KCNA2: variants seen among roughly 807,000 people sequenced by gnomAD.
The protein encoded by KCNA2 is potassium voltage-gated channel subfamily A member 2.
A neutral mutation model predicts 33.4 loss-of-function variants in KCNA2; 11 were observed. The observed-to-expected ratio is 0.33, with a 90% CI of 0.21 to 0.55. The LOEUF (loss-of-function observed/expected upper bound fraction) is 0.55, where lower values mean the gene tolerates loss of function less well. Ranked by LOEUF, KCNA2 falls within the 20% of genes least tolerant of loss-of-function variation. The pLI, the probability that KCNA2 is intolerant of heterozygous loss-of-function variation, is 0.93. For synonymous variants in KCNA2, 222 were observed against 231.3 expected (o/e 0.96, Z 0.37); for missense variants, 291 against 621.6 (o/e 0.47, Z 5.66).
At chr1:110,625,890 C>T (rs1437100341) in intron 1 of KCNA2, among the ~76,000 whole-genome samples, 1 of 152,184 alleles carries the variant, frequency 6.6e-6, no homozygotes, top group African/African-American at 2.4e-5. Context: ...TAAGGCTACA[C>T]TGAGACATCA....
chr1:110,621,632 T>C (rs1650262279), intron 1 of KCNA2, among the ~76,000 whole-genome samples: 1 of 151,986 alleles, frequency 6.6e-6, no homozygotes. Context: ...AAATAACCAA[T>C]ATCAGAAATG....
chr1:110,599,349 C>T lies in KCNA2; in HGVS notation c.*3934G>A. 2.0e-6 allele frequency: 2 copies of T among 985,140 alleles called. No homozygotes were observed. Among genetic ancestry groups the T allele is most frequent in the Non-Finnish European group, 1.2e-6 (1 of 829,700 alleles). The allele number at this position is 985,140 out of a possible 1,614,324, so 61.0% of individuals were successfully genotyped here. On this transcript the variant is annotated 3_prime_UTR_variant, in exon 3 of 3. Transcript: ENST00000316361. ...TTAGAATATAGGATAAAGTCAGGCC[C>T]TCTAAAAAGTGTTAGCTTGCTTAGC... is the stretch of plus-strand genomic sequence containing the variant.
At position 110,594,070 on chromosome 1, in the gene KCNA2, C is replaced by A; in HGVS notation, c.*9213G>T. ...GACCCCAGTTCCCTTTCGGCATCAT[C>A]CTTACGAAGCTTTACCATCAGCCTT... On this transcript the variant is annotated 3_prime_UTR_variant, in exon 3 of 3. Coordinates refer to ENST00000316361, the MANE Select transcript of KCNA2 (RefSeq NM_004974.4). The A allele has an allele frequency of 6.9e-7, 1 of 1,450,756 alleles. No homozygotes were observed. The highest frequency in any genetic ancestry group is 2.7e-5 in the Admixed American group (1 of 37,556). 89.9% of individuals were successfully genotyped at this position (1,450,756 alleles called of 1,614,324 possible). A position where few individuals can be genotyped will look rare whatever the true frequency, so the allele number is the denominator to read the frequency against.
chr1:110,603,024 C>T lies in KCNA2; in HGVS notation c.*259G>A, dbSNP rs1217532156. 42 of 1,347,486 alleles carry T rather than the reference C, an allele frequency of 3.1e-5. No homozygotes were observed. The highest frequency in any genetic ancestry group is 3.7e-5 in the Non-Finnish European group (39 of 1,052,440). 83.5% of individuals were successfully genotyped at this position (1,347,486 alleles called of 1,614,324 possible). ...TGTATGGGATATGAGGTGGCCTCAACGTGTCTATCTGAAATCCTAGCTTGA... is the reference window on the plus strand; with the variant it reads ...TGTATGGGATATGAGGTGGCCTCAATGTGTCTATCTGAAATCCTAGCTTGA... On this transcript the variant is annotated 3_prime_UTR_variant, in exon 3 of 3. Transcript: ENST00000316361. The surrounding 1 kb of genome is among the most constrained non-coding windows in gnomAD (Gnocchi z 5.7).
At position 110,603,223 on chromosome 1, in the gene KCNA2, G is replaced by A. The variant is rs751118603; in HGVS notation, c.*60C>T. 106 of 1,545,328 alleles carry A rather than the reference G, an allele frequency of 6.9e-5. No individual in the cohort carries two copies. The highest frequency in any genetic ancestry group is 8.8e-5 in the Non-Finnish European group (101 of 1,147,884). On this transcript the variant is annotated 3_prime_UTR_variant, in exon 3 of 3. Coordinates refer to ENST00000316361, the MANE Select transcript of KCNA2 (RefSeq NM_004974.4). The surrounding 1 kb of genome is among the most constrained non-coding windows in gnomAD (Gnocchi z 5.7). ...TGTAGAACACACTGACTACAATGCA[G>A]GCTATTATGCAACATCTGCATTAGT...
Position 110,604,755 on chromosome 1 carries a change from C to T in KCNA2, c.28G>A (p.Asp10Asn). The change falls in exon 3 of 3, where the codon GAC becomes AAC. Residue 10 changes from aspartate to asparagine, a missense_variant. By Grantham distance (23) the Asp-to-Asn change is conservative. Transcript: ENST00000316361. This position sits in a 1 kb window ranked among gnomAD's most constrained non-coding sequence, Gnocchi z 7.6. Reference sequence around the variant, plus strand: ...TGCCCAGGGAGGGCAGCAGCCTCGTCTGCTGGGTCTCCGGTGGCCACTGTC... The same window carrying T: ...TGCCCAGGGAGGGCAGCAGCCTCGTTTGCTGGGTCTCCGGTGGCCACTGTC... MTVATGDPA[D>N]EAAALPGHPQ... 1.2e-6 allele frequency: 2 copies of T among 1,613,680 alleles called. No homozygotes were observed. Among genetic ancestry groups the T allele is most frequent in the Non-Finnish European group, 1.7e-6 (2 of 1,179,798 alleles).
intron 1 of KCNA2, among the ~76,000 whole-genome samples, chr1:110,630,458 G>A (rs116173823): frequency 0.012 from 1,803 of 152,202 alleles, 37 homozygotes; most frequent in African/African-American, 0.039. Flanking sequence ...ACTCACCTCC[G>A]TGTCCCCAGT....
intron 1 of KCNA2, among the ~76,000 whole-genome samples, chr1:110,611,797 T>C (rs1441294415): frequency 6.7e-6 from 1 of 148,954 alleles, no homozygotes; most frequent in Non-Finnish European, 1.5e-5. Flanking sequence ...TTGAGGAAAG[T>C]GGATTGTTTG....
chr1:110,616,640 G>A (rs1650075774), intron 1 of KCNA2, among the ~76,000 whole-genome samples: 5 of 152,330 alleles, frequency 3.3e-5, no homozygotes, highest in African/African-American at 1.2e-4. Flanking sequence ...AACAGAGGCA[G>A]GTGCTATGTT....
At chr1:110,613,735 C>T (rs1649958126) in intron 1 of KCNA2, among the ~76,000 whole-genome samples, 1 of 152,190 alleles carries the variant, frequency 6.6e-6, no homozygotes, top group Non-Finnish European at 1.5e-5. Context: ...GGCTCCCTCT[C>T]TATTTTATAG....
Position 110,596,283 on chromosome 1 carries a change from T to C in KCNA2, c.*7000A>G. 4.2e-6 allele frequency: 4 copies of C among 950,006 alleles called. No homozygotes were observed. The highest frequency in any genetic ancestry group is 9.7e-5 in the South Asian group (2 of 20,530). The allele number at this position is 950,006 out of a possible 1,614,324, so 58.8% of individuals were successfully genotyped here. A position where few individuals can be genotyped will look rare whatever the true frequency, so the allele number is the denominator to read the frequency against. On this transcript the variant is annotated 3_prime_UTR_variant, in exon 3 of 3. Coordinates refer to ENST00000316361, the MANE Select transcript of KCNA2 (RefSeq NM_004974.4). The stretch of plus-strand genomic sequence containing the variant: ...TTCCACATAAGTGAAACTAAGGAGA[T>C]TGGTCAATGTATAATTCTATAATTT...
chr1:110,627,961 A>C (rs191102541), intron 1 of KCNA2, among the ~76,000 whole-genome samples: 1 of 152,314 alleles, frequency 6.6e-6, no homozygotes, highest in East Asian at 1.9e-4. Context: ...AAGTAGTGCA[A>C]TGCAATGCGG....
chr1:110,595,502 G>C lies in KCNA2; in HGVS notation c.*7781C>G, dbSNP rs755476630. 2.3e-4 allele frequency: 224 copies of C among 985,270 alleles called. No individual in the cohort carries two copies. The highest frequency in any genetic ancestry group is 2.6e-4 in the Non-Finnish European group (218 of 829,960). The allele number at this position is 985,270 out of a possible 1,614,324, so 61.0% of individuals were successfully genotyped here. ...CAGACACCCCTGCACCACTTCAATT[G>C]CTCCAGATACAGTGAAAAATCCCTC... On this transcript the variant is annotated 3_prime_UTR_variant, in exon 3 of 3. Coordinates refer to ENST00000316361, the MANE Select transcript of KCNA2 (RefSeq NM_004974.4).
chr1:110,602,504 C>T lies in KCNA2; in HGVS notation c.*779G>A, dbSNP rs1200215575. ...ATGTCTGCAAACTCCAGTAAGAAAC[C>T]AGACATGTTTTTGTGACCCTGGAGC... is the stretch of plus-strand genomic sequence containing the variant. On this transcript the variant is annotated 3_prime_UTR_variant, in exon 3 of 3. Coordinates refer to ENST00000316361, the MANE Select transcript of KCNA2 (RefSeq NM_004974.4). 4 of 1,138,178 alleles carry T rather than the reference C, an allele frequency of 3.5e-6. No homozygotes were observed. In the Admixed American group the frequency reaches 1.8e-4, roughly 51 times the overall value. 70.5% of individuals were successfully genotyped at this position (1,138,178 alleles called of 1,614,324 possible).
At chr1:110,630,962 C>A (rs1412599832) in intron 1 of KCNA2, among the ~76,000 whole-genome samples, 1 of 152,208 alleles carries the variant, frequency 6.6e-6, no homozygotes. Context: ...ACAAAGCCCA[C>A]GGATGGACAA....
In KCNA2 at chr1:110,600,366, G is replaced by A. The variant is rs766068417; in HGVS notation, c.*2917C>T. The A allele has an allele frequency of 1.2e-5, 12 of 984,388 alleles. No homozygotes were observed. The highest frequency in any genetic ancestry group is 1.3e-5 in the Non-Finnish European group (11 of 829,750). 61.0% of individuals were successfully genotyped at this position (984,388 alleles called of 1,614,324 possible). ...TATGCATATGCATTTTGTCCATGTA[G>A]TTTTTTATGTATTTTGCATCTGAGT... On this transcript the variant is annotated 3_prime_UTR_variant, in exon 3 of 3. Transcript: ENST00000316361.
chr1:110,619,795 C>T (rs1650188829), intron 1 of KCNA2, among the ~76,000 whole-genome samples: 1 of 152,172 alleles, frequency 6.6e-6, no homozygotes, highest in African/African-American at 2.4e-5. Context: ...CTGAGGTCAC[C>T]TCTCTGACAA....
At chr1:110,627,867 G>A (rs1439230958) in intron 1 of KCNA2, among the ~76,000 whole-genome samples, 1 of 152,048 alleles carries the variant, frequency 6.6e-6, no homozygotes, top group African/African-American at 2.4e-5. Context: ...GGCTTGATGG[G>A]GACAAAGTGA....
intron 1 of KCNA2, among the ~76,000 whole-genome samples, chr1:110,619,492 A>T (rs1051941084): frequency 8.5e-5 from 13 of 152,250 alleles, no homozygotes; most frequent in African/African-American, 3.1e-4. Context: ...CAGAAAAGAC[A>T]GACGCACGAG....
Sources: gnomAD v4.1 joint callset for allele counts (sites outside exome capture counted in the v4.1 genomes callset) on GRCh38, gnomAD v4.1.1 for gene constraint, Gnocchi (gnomAD v3.1) non-coding constraint, MANE v1.5 for transcripts, NCBI Gene and HGNC (gene_info 2026-07-23, HGNC 2026-07-21) for gene names.